DZANK1: variants seen among roughly 807,000 people sequenced by gnomAD.
DZANK1 encodes the protein double zinc ribbon and ankyrin repeat domains 1.
In DZANK1, 91 loss-of-function variants were observed where a neutral mutation model predicts 94.5. That is an observed-to-expected ratio of 0.96 (90% CI 0.81 to 1.15). DZANK1 has a LOEUF of 1.15. Among genes scored for constraint, DZANK1 ranks in the 50% most tolerant of loss-of-function variants. The pLI, the probability that DZANK1 is intolerant of heterozygous loss-of-function variation, is 0.00. For missense variants in DZANK1, 903 were observed against 916.4 expected (o/e 0.99, Z 0.19); for synonymous variants, 312 against 325.3 (o/e 0.96, Z 0.44).
intron 10 of DZANK1, among the ~76,000 whole-genome samples, chr20:18,423,481 T>C (rs1042973099): frequency 6.6e-6 from 1 of 152,216 alleles, no homozygotes; most frequent in Non-Finnish European, 1.5e-5. Context: ...CATTCCACAT[T>C]GATTTAATTG....
rs540691351 is a variant in DZANK1, at chr20:18,415,029, C to T, written c.1077+298G>A. On this transcript the variant is annotated intron_variant, in intron 11 of 20. Transcript: ENST00000262547. ...TTTGCATGCGATACTTAAATAAATACATAGTCTTGAGTGTTTTATTATAAA... is the reference window on the plus strand; with the variant it reads ...TTTGCATGCGATACTTAAATAAATATATAGTCTTGAGTGTTTTATTATAAA... Among the ~76,000 whole-genome samples, 43 of 152,298 alleles carry T rather than the reference C, an allele frequency of 2.8e-4. 1 individual carries two copies. The highest frequency in any genetic ancestry group is 1.0e-3 in the African/African-American group (43 of 41,572).
At chr20:18,444,723 T>G (rs559072831) in intron 7 of DZANK1, among the ~76,000 whole-genome samples, 1 of 140,436 alleles carries the variant, frequency 7.1e-6, no homozygotes, top group Admixed American at 7.0e-5. Flanking sequence ...ACATAGGAGT[T>G]GTCAGGTATG....
rs531963756 is a variant in DZANK1, at chr20:18,415,564, T to G, written c.955-115A>C. On this transcript the variant is annotated intron_variant, in intron 10 of 20. Transcript: ENST00000262547. ...AAGATGAGCCCCGGAAATAGTGTTT[T>G]TTTTGTTTTGTTTTGTTTTGTTTTT... The G allele has an allele frequency of 2.1e-4, 260 of 1,214,290 alleles. 2 individuals are homozygous for G. In the South Asian group the frequency reaches 6.8e-3, roughly 32 times the overall value. 75.2% of individuals were successfully genotyped at this position (1,214,290 alleles called of 1,614,324 possible). A position where few individuals can be genotyped will look rare whatever the true frequency, so the allele number is the denominator to read the frequency against.
At chr20:18,400,164 A>C (rs1283294625) in intron 13 of DZANK1, among the ~76,000 whole-genome samples, 4 of 152,208 alleles carry the variant, frequency 2.6e-5, no homozygotes, top group Admixed American at 2.6e-4. Flanking sequence ...GGTTCCCCTG[A>C]AAGCAGAACC....
chr20:18,394,608 T>C lies in DZANK1; in HGVS notation c.1612-258A>G, dbSNP rs201687729. On this transcript the variant is annotated intron_variant, in intron 15 of 20. Coordinates refer to ENST00000262547, the Ensembl canonical transcript of DZANK1. ...AAGCCCCAGCCCCCTCGTCTCACAT[T>C]GGGACCATCACAATAGCCTTTCAAC... 1,506 of 649,532 alleles carry C rather than the reference T, an allele frequency of 2.3e-3. 3 individuals carry two copies. Among genetic ancestry groups the C allele is most frequent in the Admixed American group, 3.4e-3 (187 of 54,860 alleles). The allele number at this position is 649,532 out of a possible 1,614,324, so 40.2% of individuals were successfully genotyped here. A position where few individuals can be genotyped will look rare whatever the true frequency, so the allele number is the denominator to read the frequency against.
chr20:18,392,968 A>T (rs1304179314), intron 17 of DZANK1, among the ~76,000 whole-genome samples: 1 of 152,190 alleles, frequency 6.6e-6, no homozygotes, highest in Non-Finnish European at 1.5e-5. Flanking sequence ...AATAGCTGAG[A>T]TCGCTAGTGC....
At chr20:18,463,805 G>A (rs139955610) in intron 2 of DZANK1, among the ~76,000 whole-genome samples, 42 of 152,152 alleles carry the variant, frequency 2.8e-4, no homozygotes, top group African/African-American at 9.4e-4. Context: ...GGTCTAAGCA[G>A]CACAGGGGTC....
At chr20:18,390,278 G>A in intron 18 of DZANK1, 101 bp downstream of exon 18, 1 of 1,092,330 alleles carries the variant, frequency 9.2e-7, no homozygotes, top group Non-Finnish European at 1.4e-6. Context: ...AAAGGGCAGT[G>A]TAATTTTCAC....
Position 18,437,300 on chromosome 20 carries a change from C to T in DZANK1, c.748-3535G>A, listed in dbSNP as rs531679632. ...TGTTAAGAAAAAGAAAGAAAGGGGC[C>T]GGGTGCGATGGCTCACACTTGTAAT... On this transcript the variant is annotated intron_variant, in intron 8 of 20. Transcript: ENST00000262547. 2.0e-3 allele frequency among the ~76,000 whole-genome samples: 303 copies of T among 152,248 alleles called. 1 individual carries two copies. Among genetic ancestry groups the T allele is most frequent in the African/African-American group, 4.9e-3 (203 of 41,536 alleles).
intron 5 of DZANK1, among the ~76,000 whole-genome samples, chr20:18,453,509 A>G (rs2424198): frequency 0.5 from 75,741 of 151,966 alleles, 19,294 homozygotes; most frequent in East Asian, 0.59. Flanking sequence ...GGCTCCCGGC[A>G]GTGGGTCAAG....
intron 13 of DZANK1, among the ~76,000 whole-genome samples, chr20:18,399,024 C>T (rs1451176354): frequency 1.3e-5 from 2 of 150,000 alleles, no homozygotes; most frequent in African/African-American, 4.9e-5. Flanking sequence ...CCCAGCTACT[C>T]AAGGGGCAGG....
Position 18,442,297 on chromosome 20 carries a change from T to C in DZANK1, c.747+1050A>G, listed in dbSNP as rs1250125292. On this transcript the variant is annotated intron_variant, in intron 8 of 20. Transcript: ENST00000262547. ...ATAATTTTGGTATCGCACCAACTAG[T>C]ATAAACAGAGAAAAATCAACCAATG... Among the ~76,000 whole-genome samples the C allele has an allele frequency of 2.0e-5, 3 of 152,184 alleles. No individual in the cohort carries two copies. The East Asian group carries it at 5.8e-4, about 29-fold the overall frequency.
rs147113213 is a variant in DZANK1, at chr20:18,409,281, G to C, written c.1432+3365C>G. Among the ~76,000 whole-genome samples, 368 of 152,236 alleles carry C rather than the reference G, an allele frequency of 2.4e-3. 5 individuals are homozygous for C. The highest frequency in any genetic ancestry group is 0.02 in the Admixed American group (306 of 15,278). On this transcript the variant is annotated intron_variant, in intron 13 of 20. Transcript: ENST00000262547. Reference sequence around the variant, plus strand: ...CTGTTGAAAGAATATGACAAGAAGAGAATCTTGAAAGAAGCAAGAGAGAGG... The same window carrying C: ...CTGTTGAAAGAATATGACAAGAAGACAATCTTGAAAGAAGCAAGAGAGAGG...
chr20:18,422,799 C>CATTTTTT (rs2057847966), intron 10 of DZANK1, among the ~76,000 whole-genome samples: 1 of 124,854 alleles, frequency 8.0e-6, no homozygotes. Flanking sequence ...TGGCTTTGTT[C>CATTTTTT]TTTTTTTTTT....
intron 19 of DZANK1, among the ~76,000 whole-genome samples, chr20:18,385,617 T>G (rs1300134470): frequency 5.9e-5 from 9 of 152,068 alleles, no homozygotes; most frequent in Admixed American, 5.2e-4. Flanking sequence ...GGGGTTTCAC[T>G]GTGTTAGCCA....
chr20:18,446,260 C>T (rs931105817), intron 7 of DZANK1, among the ~76,000 whole-genome samples: 3 of 142,374 alleles, frequency 2.1e-5, no homozygotes, highest in African/African-American at 5.3e-5. Flanking sequence ...GAAGAAAGGA[C>T]GAAAGGAAGG....
chr20:18,425,466 G>C (rs1467767679), intron 10 of DZANK1, among the ~76,000 whole-genome samples: 1 of 151,624 alleles, frequency 6.6e-6, no homozygotes, highest in Non-Finnish European at 1.5e-5. Flanking sequence ...CAGGAGAATC[G>C]CTTGAACCAG....
chr20:18,415,299 T>C (rs768448983), intron 11 of DZANK1, 28 bp downstream of exon 11: 2 of 1,506,020 alleles, frequency 1.3e-6, no homozygotes, highest in South Asian at 1.3e-5. Flanking sequence ...GTGCTCAGTA[T>C]ACAGAATCTC....
chr20:18,385,834 C>A (rs1466807303), intron 19 of DZANK1, among the ~76,000 whole-genome samples: 1 of 152,066 alleles, frequency 6.6e-6, no homozygotes, highest in Admixed American at 6.5e-5. Context: ...TCTTAGAAAC[C>A]AGGGGGCAGG....
Sources: allele counts gnomAD v4.1 joint callset (sites outside exome capture counted in the v4.1 genomes callset), GRCh38; gene constraint gnomAD v4.1.1; transcripts MANE v1.5; gene names NCBI Gene and HGNC (gene_info 2026-07-23, HGNC 2026-07-21).